DOCK4: variants seen among roughly 807,000 people sequenced by gnomAD.
DOCK4 encodes the protein dedicator of cytokinesis 4, also known as dedicator of cytokinesis protein 4.
In DOCK4, 97 loss-of-function variants were observed where a neutral mutation model predicts 268.1. That is an observed-to-expected ratio of 0.36 (90% CI 0.31 to 0.43). DOCK4 has a LOEUF of 0.43. Among genes scored for constraint, DOCK4 ranks in the 20% least tolerant of loss-of-function variants. The pLI is 1.00. For synonymous variants in DOCK4, 954 were observed against 887.2 expected (o/e 1.08, Z -1.34); for missense variants, 2,145 against 2,455.7 (o/e 0.87, Z 2.67).
chr7:112,160,096 C>T (rs1429845784), intron 1 of DOCK4, among the ~76,000 whole-genome samples: 1 of 151,972 alleles, frequency 6.6e-6, no homozygotes, highest in Non-Finnish European at 1.5e-5. Flanking sequence ...ATATGAAACG[C>T]TTCTGGTCCC....
intron 27 of DOCK4, among the ~76,000 whole-genome samples, chr7:111,816,886 A>G (rs62472921): frequency 4.5e-4 from 69 of 152,382 alleles, no homozygotes; most frequent in Non-Finnish European, 8.4e-4. Flanking sequence ...TGGAGGGCAC[A>G]GAATCAGCTA....
intron 41 of DOCK4, among the ~76,000 whole-genome samples, chr7:111,756,214 T>C (rs1207073703): frequency 6.6e-6 from 1 of 152,136 alleles, no homozygotes; most frequent in African/African-American, 2.4e-5. Context: ...CCGGGCATGG[T>C]GGCGGGCACC....
At chr7:111,785,409 AC>A (rs2133776015) in intron 32 of DOCK4, among the ~76,000 whole-genome samples, 1 of 152,306 alleles carries the variant, frequency 6.6e-6, no homozygotes, top group African/African-American at 2.4e-5. Flanking sequence ...AGGCTGAAAA[AC>A]AAAGAACTCA....
intron 7 of DOCK4, among the ~76,000 whole-genome samples, chr7:111,978,421 A>G (rs1160126921): frequency 6.6e-6 from 1 of 152,182 alleles, no homozygotes; most frequent in Non-Finnish European, 1.5e-5. Context: ...TTGTAGAGAC[A>G]AGGTTTCACC....
chr7:112,199,780 A>T (rs1820758590), intron 1 of DOCK4, among the ~76,000 whole-genome samples: 1 of 152,204 alleles, frequency 6.6e-6, no homozygotes, highest in Admixed American at 6.5e-5. Flanking sequence ...TGTTATAGTG[A>T]CCAGAGAGTG....
rs139413598 is a variant in DOCK4, at chr7:112,150,459, C to T, written c.37+55643G>A. Among the ~76,000 whole-genome samples the T allele has an allele frequency of 2.9e-3, 445 of 152,254 alleles. 1 individual carries two copies. Among genetic ancestry groups the T allele is most frequent in the African/African-American group, 0.01 (426 of 41,556 alleles). On this transcript the variant is annotated intron_variant, in intron 1 of 52. Coordinates refer to ENST00000428084, the MANE Select transcript of DOCK4 (RefSeq NM_001363540.2). ...CCTCATACTTGGAGATAACCTCGTC[C>T]TGTCTTGCTTTACCCCCACACGTAG...
chr7:111,864,359 C>T (rs1472315206), intron 22 of DOCK4, among the ~76,000 whole-genome samples: 1 of 151,846 alleles, frequency 6.6e-6, no homozygotes, highest in African/African-American at 2.4e-5. Flanking sequence ...CAAACCAAAT[C>T]AGCCTTTTAA....
rs183450057 is a variant in DOCK4, at chr7:112,076,229, A to G, written c.38-72098T>C. On this transcript the variant is annotated intron_variant, in intron 1 of 52. Coordinates refer to ENST00000428084, the MANE Select transcript of DOCK4 (RefSeq NM_001363540.2). The stretch of plus-strand genomic sequence containing the variant: ...ACTTTTATATGCCCTTGAAACAGGT[A>G]TAACACCGTGTTTACAGTAAACACA... 9.7e-4 allele frequency among the ~76,000 whole-genome samples: 147 copies of G among 152,280 alleles called. 1 individual carries two copies. Among genetic ancestry groups the G allele is most frequent in the Admixed American group, 9.2e-3 (141 of 15,284 alleles).
At chr7:111,990,668 A>G (rs1185460871) in intron 5 of DOCK4, among the ~76,000 whole-genome samples, 1 of 152,160 alleles carries the variant, frequency 6.6e-6, no homozygotes, top group African/African-American at 2.4e-5. Context: ...CTTCTCTCTC[A>G]ACTCCGAAGG....
chr7:111,933,141 T>TATATATACGTATATACAC lies in DOCK4; in HGVS notation c.1066+2381_1066+2398dup, dbSNP rs58866393. ...ACACATATATATACGTATATACACA[T>TATATATACGTATATACAC]ATATATACGTATATACACATATATA... On this transcript the variant is annotated intron_variant, in intron 12 of 52. Transcript: ENST00000428084. Among the ~76,000 whole-genome samples the TATATATACGTATATACAC allele has an allele frequency of 1.2e-3, 72 of 60,064 alleles. 5 individuals carry two copies. The highest frequency in any genetic ancestry group is 8.9e-3 in the Middle Eastern group (1 of 112). The allele number at this position is 60,064 out of a possible 152,430, so 39.4% of individuals were successfully genotyped here.
intron 1 of DOCK4, among the ~76,000 whole-genome samples, chr7:112,125,936 G>A (rs1813181001): frequency 6.6e-6 from 1 of 152,010 alleles, no homozygotes; most frequent in South Asian, 2.1e-4. Context: ...AGCCTCCCAA[G>A]TGGCTGGGAC....
chr7:111,973,156 C>CATATATATATATATATATATATAT (rs144045255), intron 8 of DOCK4, among the ~76,000 whole-genome samples: 5 of 114,050 alleles, frequency 4.4e-5, no homozygotes, highest in Non-Finnish European at 5.2e-5. Flanking sequence ...TATTCCATGG[C>CATATATATATATATATATATATAT]ATATATATAT....
At chr7:112,055,681 G>C (rs1805748977) in intron 1 of DOCK4, among the ~76,000 whole-genome samples, 1 of 152,160 alleles carries the variant, frequency 6.6e-6, no homozygotes, top group Non-Finnish European at 1.5e-5. Flanking sequence ...GCTGAGGTGG[G>C]CAGATCACTT....
chr7:112,053,085 T>G (rs947532603), intron 1 of DOCK4, among the ~76,000 whole-genome samples: 27 of 152,222 alleles, frequency 1.8e-4, no homozygotes, highest in African/African-American at 6.3e-4. Flanking sequence ...AATATGATTC[T>G]GTTCTCTTAA....
intron 1 of DOCK4, among the ~76,000 whole-genome samples, chr7:112,114,127 C>T (rs1001583107): frequency 1.3e-5 from 2 of 152,088 alleles, no homozygotes; most frequent in African/African-American, 4.8e-5. Context: ...CAACCTACTT[C>T]ATTGTGTTCC....
At chr7:111,976,764 A>G (rs1179620353) in intron 8 of DOCK4, 1 of 161,354 alleles carries the variant, frequency 6.2e-6, no homozygotes, top group African/African-American at 2.4e-5. Context: ...TGGTTTACTG[A>G]AAATCTGAAA....
At chr7:111,855,980 G>A (rs1804974897) in intron 23 of DOCK4, among the ~76,000 whole-genome samples, 1 of 152,138 alleles carries the variant, frequency 6.6e-6, no homozygotes, top group African/African-American at 2.4e-5. Context: ...TTTAAACACA[G>A]CTTAAACAGG....
intron 15 of DOCK4, among the ~76,000 whole-genome samples, chr7:111,898,075 A>G (rs554459062): frequency 2.8e-4 from 42 of 152,284 alleles, no homozygotes; most frequent in African/African-American, 9.9e-4. Flanking sequence ...CCTATAATCT[A>G]TTATCCCATA....
chr7:112,061,739 TCACACACACACACACACACA>T (rs61696712), intron 1 of DOCK4, among the ~76,000 whole-genome samples: 16 of 137,222 alleles, frequency 1.2e-4, no homozygotes, highest in African/African-American at 3.6e-4. Context: ...ATTAACAATG[TCACACACACACACACACACA>T]CACACACACA....
Sources: gnomAD v4.1 joint callset for allele counts (sites outside exome capture counted in the v4.1 genomes callset) on GRCh38, gnomAD v4.1.1 for gene constraint, MANE v1.5 for transcripts, NCBI Gene and HGNC (gene_info 2026-07-23, HGNC 2026-07-21) for gene names.